Variants in ZNF506 observed in about 807,000 individuals in gnomAD.
ZNF506 encodes the protein zinc finger protein 506.
ZNF506 carries 10 observed loss-of-function variants against 11.6 expected under a neutral mutation model. That is an observed-to-expected ratio of 0.86 (90% CI 0.53 to 1.46). ZNF506 has a LOEUF of 1.46. Ranked by LOEUF, ZNF506 falls within the 40% of genes most tolerant of loss-of-function variation. The pLI is 0.00. For synonymous variants in ZNF506, 156 were observed against 173.3 expected (o/e 0.90, Z 0.78); for missense variants, 425 against 521.2 (o/e 0.82, Z 1.80).
chr19:19,815,145 A>C (rs2062919429), intron 1 of ZNF506, among the ~76,000 whole-genome samples: 1 of 152,192 alleles, frequency 6.6e-6, no homozygotes, highest in African/African-American at 2.4e-5. Context: ...CTGTAGTCCC[A>C]GCTACTCAGG....
intron 1 of ZNF506, among the ~76,000 whole-genome samples, chr19:19,810,062 A>T (rs1415816889): frequency 1.3e-5 from 2 of 152,208 alleles, no homozygotes; most frequent in African/African-American, 4.8e-5. Flanking sequence ...GAGCTTATAA[A>T]TCACTTGGTA....
intron 3 of ZNF506, 38 bp from the exon 4 acceptor site, chr19:19,795,698 A>G: frequency 6.8e-7 from 1 of 1,470,310 alleles, no homozygotes; most frequent in Non-Finnish European, 9.0e-7. Context: ...TTCAATTGCT[A>G]GACTCAGATA....
chr19:19,816,636 G>A (rs922784472), intron 1 of ZNF506, among the ~76,000 whole-genome samples: 3 of 152,012 alleles, frequency 2.0e-5, no homozygotes, highest in African/African-American at 4.8e-5. Context: ...GGGATTACAG[G>A]CTTGAGCCAC....
Position 19,807,038 on chromosome 19 carries a change from C to G in ZNF506, c.34G>C (p.Glu12Gln), listed in dbSNP as rs1354619804. 1.9e-6 allele frequency: 3 copies of G among 1,613,860 alleles called. No homozygotes were observed. The African/African-American group carries it at 4.0e-5, about 22-fold the overall frequency. The part of the protein sequence containing the change: ...GPLQFRDVAI[E>Q]FSLEEWHCLD... Reference sequence around the variant, plus strand: ...CAATGCCACTCCTCCAGAGAGAATTCTATGGCCACATCTCTAAATTGCAAT... The same window carrying G: ...CAATGCCACTCCTCCAGAGAGAATTGTATGGCCACATCTCTAAATTGCAAT... The change falls in exon 2 of 4, where the codon GAA (glutamate) becomes CAA (glutamine). Residue 12 changes from glutamate (E) to glutamine (Q), a missense_variant. Glu to Gln is a conservative substitution (Grantham distance 29). This residue lies in a region of ZNF506 where 226 missense variants were observed against 279.1 expected (regional missense o/e 0.81). Transcript: ENST00000540806.
In ZNF506 at chr19:19,795,258, T is replaced by C. The variant is rs1277954793; in HGVS notation, c.629A>G (p.Tyr210Cys). The change falls in exon 4 of 4, where the codon TAT becomes TGT. Residue 210 changes from tyrosine (Y) to cysteine (C), a missense_variant. This residue lies in a region of ZNF506 where 226 missense variants were observed against 279.1 expected (regional missense o/e 0.81). Coordinates refer to ENST00000540806, the MANE Select transcript of ZNF506 (RefSeq NM_001099269.3). Reference protein sequence around the residue: ...RYKCEECGKAYKQSSHLTTHK... With the variant: ...RYKCEECGKACKQSSHLTTHK... ...TGTAGTAAGGTGTGAGGACTGCTTA[T>C]AGGCTTTACCACATTCTTCACATTT... The C allele has an allele frequency of 1.9e-6, 3 of 1,613,834 alleles. No homozygotes were observed. The highest frequency in any genetic ancestry group is 1.7e-5 in the Admixed American group (1 of 59,990).
chr19:19,807,152 A>G (rs945834573), intron 1 of ZNF506, 84 bp from the exon 2 acceptor site: 39 of 1,595,112 alleles, frequency 2.4e-5, no homozygotes, highest in Non-Finnish European at 3.3e-5. Flanking sequence ...GAGAGAGTAA[A>G]GAGAAGTGGT....
At chr19:19,799,971 A>G (rs2062776578) in intron 3 of ZNF506, among the ~76,000 whole-genome samples, 1 of 152,192 alleles carries the variant, frequency 6.6e-6, no homozygotes, top group Non-Finnish European at 1.5e-5. Flanking sequence ...ATAAAGATGA[A>G]AAAGTAGACT....
chr19:19,818,071 A>AC (rs200563787), intron 1 of ZNF506, among the ~76,000 whole-genome samples: 2,114 of 148,322 alleles, frequency 0.014, 56 homozygotes, highest in African/African-American at 0.049. Context: ...CAAGTGATCA[A>AC]CCCCCCTCGG....
rs766669713 is a variant in ZNF506, at chr19:19,795,070, A to G, written c.817T>C (p.Phe273Leu). Residue 273 changes from phenylalanine to leucine, a missense_variant, in exon 4 of 4, where the codon TTT becomes CTT. By Grantham distance (22) the Phe-to-Leu change is conservative (BLOSUM62 0). Around this residue, in one of 3 missense-constraint regions of ZNF506, gnomAD observed 192 missense variants for 215.7 expected, o/e 0.89. Transcript: ENST00000540806. ...GKAFNHPATL[F>L]SHKKIHTGEK... ...CCAGTATGAATTTTCTTATGTGAAA[A>G]AAGGGTTGCAGGGTGGTTAAAAGCT... 2.1e-5 allele frequency: 34 copies of G among 1,610,952 alleles called. No homozygotes were observed. The highest frequency in any genetic ancestry group is 2.9e-5 in the Non-Finnish European group (34 of 1,179,086).
At chr19:19,797,448 A>T (rs1448361900) in intron 3 of ZNF506, 1 of 151,750 alleles carries the variant, frequency 6.6e-6, no homozygotes, top group African/African-American at 2.4e-5. Flanking sequence ...AAAAAAAAAA[A>T]AAAAAAACAA....
chr19:19,800,391 A>AATATATATATATATATATTTATAT (rs1555771287), intron 3 of ZNF506, among the ~76,000 whole-genome samples: 16 of 139,244 alleles, frequency 1.1e-4, no homozygotes, highest in Non-Finnish European at 2.1e-4. Context: ...AACTAAACAG[A>AATATATATATATATATATTTATAT]ATATATATAT....
chr19:19,800,512 G>T (rs1185391142), intron 3 of ZNF506, among the ~76,000 whole-genome samples: 1 of 150,756 alleles, frequency 6.6e-6, no homozygotes, highest in South Asian at 2.1e-4. Context: ...CGCCTCCCAG[G>T]TTCAAGCAAT....
intron 3 of ZNF506, chr19:19,797,476 T>C (rs2062752867): frequency 6.6e-6 from 1 of 151,578 alleles, no homozygotes; most frequent in Non-Finnish European, 1.5e-5. Context: ...AAATTTAATT[T>C]TCACAAAGTG....
intron 1 of ZNF506, chr19:19,820,561 G>A (rs1373484968): frequency 1.3e-5 from 2 of 152,056 alleles, no homozygotes; most frequent in Non-Finnish European, 2.9e-5. Flanking sequence ...GGGCGTAGTG[G>A]CGGGCGCCTG....
Position 19,817,676 on chromosome 19 carries a change from T to C in ZNF506, c.3+3925A>G, listed in dbSNP as rs547575044. On this transcript the variant is annotated intron_variant, in intron 1 of 3. Transcript: ENST00000540806. Reference sequence around the variant, plus strand: ...ACTAACTGGGCCTTTAATAACTTCCTCTCGCATGCTTAACATTAGCCTTAG... The same window carrying C: ...ACTAACTGGGCCTTTAATAACTTCCCCTCGCATGCTTAACATTAGCCTTAG... Among the ~76,000 whole-genome samples, 5 of 152,220 alleles carry C rather than the reference T, an allele frequency of 3.3e-5. No individual in the cohort carries two copies. The East Asian group carries it at 9.6e-4, about 29-fold the overall frequency.
At chr19:19,804,230 A>G (rs1031022528) in intron 3 of ZNF506, among the ~76,000 whole-genome samples, 1 of 152,194 alleles carries the variant, frequency 6.6e-6, no homozygotes, top group Non-Finnish European at 1.5e-5. Flanking sequence ...AACTTAAACA[A>G]ATTTACAAGA....
In ZNF506 at chr19:19,795,328, T is replaced by C; in HGVS notation, c.559A>G (p.Thr187Ala). Reference sequence around the variant, plus strand: ...TCAATTTTCTTATATGTAGTACGGGTTGAAGACTGGTTAAAAGTTTTCCCA... The same window carrying C: ...TCAATTTTCTTATATGTAGTACGGGCTGAAGACTGGTTAAAAGTTTTCCCA... ...EYGKTFNQSS[T>A]RTTYKKIDAG... is the part of the protein sequence containing the mutation. Residue 187 changes from threonine to alanine, a missense_variant, in exon 4 of 4, where the codon ACC (threonine) becomes GCC (alanine). Coordinates refer to ENST00000540806, the MANE Select transcript of ZNF506 (RefSeq NM_001099269.3). 6.2e-6 allele frequency: 10 copies of C among 1,613,686 alleles called. No homozygotes were observed. Among genetic ancestry groups the C allele is most frequent in the Non-Finnish European group, 8.5e-6 (10 of 1,179,850 alleles).
intron 1 of ZNF506, among the ~76,000 whole-genome samples, chr19:19,818,790 A>T (rs1174907573): frequency 6.6e-6 from 1 of 152,078 alleles, no homozygotes; most frequent in Non-Finnish European, 1.5e-5. Context: ...ATCGCTTAAG[A>T]ACAGAAGTTT....
intron 1 of ZNF506, chr19:19,820,706 T>C (rs1875037288): frequency 6.6e-6 from 1 of 152,048 alleles, no homozygotes; most frequent in African/African-American, 2.4e-5. Flanking sequence ...AATAAATAAA[T>C]AAAATAAAAT....
Sources: allele counts gnomAD v4.1 joint callset (sites outside exome capture counted in the v4.1 genomes callset), GRCh38; gene constraint gnomAD v4.1.1; regional missense constraint gnomAD v4.1.1; transcripts MANE v1.5; gene names NCBI Gene and HGNC (gene_info 2026-07-23, HGNC 2026-07-21).